The following TMPRSS6 variants were observed in gnomAD, a reference collection of about 807,000 sequenced individuals.
TMPRSS6 encodes transmembrane protease serine 6.
Under a neutral mutation model 101.5 loss-of-function variants are expected in TMPRSS6, and 67 were observed. That is an observed-to-expected ratio of 0.66 (90% CI 0.54 to 0.81). The LOEUF is 0.81. Ranked by LOEUF, TMPRSS6 falls within the 30% of genes least tolerant of loss-of-function variation. TMPRSS6 has a pLI of 0.00. For missense variants in TMPRSS6, 1,034 were observed against 1,088.7 expected, an observed-to-expected ratio of 0.95 and a Z score of 0.71; for synonymous variants, 453 against 464.9, an observed-to-expected ratio of 0.97 and a Z score of 0.33.
intron 2 of TMPRSS6, among the ~76,000 whole-genome samples, chr22:37,098,995 C>T (rs912485628): frequency 6.6e-6 from 1 of 152,244 alleles, no homozygotes; most frequent in Admixed American, 6.5e-5. Flanking sequence ...TTAACCAAGA[C>T]AGATGTGCCT....
chr22:37,071,994 T>C (rs1434806734), intron 13 of TMPRSS6, among the ~76,000 whole-genome samples: 1 of 146,908 alleles, frequency 6.8e-6, no homozygotes, highest in East Asian at 2.1e-4. Flanking sequence ...GGATGGATGA[T>C]GGATGGGTGC....
At position 37,103,179 on chromosome 22, in the gene TMPRSS6, C is replaced by A; in HGVS notation, c.202+37G>T. On this transcript the variant is annotated intron_variant, in intron 2 of 17. Coordinates refer to ENST00000676104, the MANE Select transcript of TMPRSS6 (RefSeq NM_001374504.1). The surrounding 1 kb of genome is among the most constrained non-coding windows in gnomAD (Gnocchi z 4.4). The stretch of plus-strand genomic sequence containing the variant: ...GCCTGCTACAGTCACCCCAAGTCCT[C>A]CCCAGGTGCCTCTCCCAGGCGGTCC... The A allele has an allele frequency of 1.9e-6, 3 of 1,609,864 alleles. No homozygotes were observed. In the South Asian group the frequency reaches 3.3e-5, roughly 18 times the overall value.
At chr22:37,068,949 A>G (rs1392660469) in intron 16 of TMPRSS6, 124 bp downstream of exon 16, 3 of 1,447,358 alleles carry the variant, frequency 2.1e-6, no homozygotes, top group Non-Finnish European at 2.7e-6. Context: ...TTTGAATCCC[A>G]GCACTAGAGG....
intron 1 of TMPRSS6, among the ~76,000 whole-genome samples, chr22:37,105,199 C>G (rs866143889): frequency 9.2e-5 from 14 of 152,276 alleles, no homozygotes; most frequent in African/African-American, 3.4e-4. Context: ...GCCACAGTGA[C>G]TCTGTTGAGC....
In TMPRSS6 at chr22:37,084,816, C is replaced by T. The variant is rs1464560925; in HGVS notation, c.997G>A (p.Asp333Asn). ...ACGCCCTGGGAGTCGAGCCTGTTGT[C>T]CAGCGTCAGGTTCACTTCACAGGCT... ...FQACEVNLTL[D>N]NRLDSQGVLS... is the part of the protein sequence containing the mutation. The change falls in exon 9 of 18, where the codon GAC becomes AAC. Residue 333 changes from aspartate to asparagine, a missense_variant. By Grantham distance (23) the Asp-to-Asn change is conservative. Coordinates refer to ENST00000676104, the MANE Select transcript of TMPRSS6 (RefSeq NM_001374504.1). 1.3e-6 allele frequency: 2 copies of T among 1,557,106 alleles called. No individual in the cohort carries two copies. Among genetic ancestry groups the T allele is most frequent in the Admixed American group, 1.9e-5 (1 of 51,572 alleles).
intron 6 of TMPRSS6, among the ~76,000 whole-genome samples, chr22:37,091,249 G>A (rs941917679): frequency 6.6e-6 from 1 of 152,224 alleles, no homozygotes; most frequent in African/African-American, 2.4e-5. Context: ...AGCCAGTGGG[G>A]ATTTAGGAAT....
In TMPRSS6 at chr22:37,070,671, G is replaced by A; in HGVS notation, c.1673-19C>T. The A allele has an allele frequency of 6.2e-7, 1 of 1,609,920 alleles. No individual in the cohort carries two copies. Among genetic ancestry groups the A allele is most frequent in the Non-Finnish European group, 8.5e-7 (1 of 1,178,368 alleles). The stretch of plus-strand genomic sequence containing the variant: ...CCACAGTCTGGGGATGGGGGCAGGT[G>A]GTGGGGTGGACAGAGGAGGAGGGGA... On this transcript the variant is annotated intron_variant, in intron 14 of 17. Transcript: ENST00000676104.
chr22:37,104,380 T>C (rs1012036166), intron 1 of TMPRSS6, among the ~76,000 whole-genome samples: 1 of 152,194 alleles, frequency 6.6e-6, no homozygotes, highest in Non-Finnish European at 1.5e-5. Context: ...AGTCTAGATG[T>C]CTGACTCCCT....
Position 37,095,965 on chromosome 22 carries a change from G to C in TMPRSS6, c.530C>G (p.Ser177Trp). The change falls in exon 5 of 18, where the codon TCG becomes TGG. Residue 177 changes from serine to tryptophan, a missense_variant. Coordinates refer to ENST00000676104, the MANE Select transcript of TMPRSS6 (RefSeq NM_001374504.1). The stretch of plus-strand genomic sequence containing the variant: ...CTCGGCCCTGTAGGGGACGGCAGCC[G>C]AGCTGTTGACTGTGGACAGCAGCTC... Reference protein sequence around the residue: ...VEELLSTVNSSAAVPYRAEYE... With the variant: ...VEELLSTVNSWAAVPYRAEYE... The C allele has an allele frequency of 6.2e-7, 1 of 1,614,142 alleles. No homozygotes were observed. Among genetic ancestry groups the C allele is most frequent in the Non-Finnish European group, 8.5e-7 (1 of 1,180,042 alleles).
chr22:37,084,802 G>T lies in TMPRSS6; in HGVS notation c.1011C>A (p.Asp337Glu). Residue 337 changes from aspartate (D) to glutamate (E), a missense_variant, in exon 9 of 18, where the codon GAC becomes GAA. By Grantham distance (45) the Asp-to-Glu change is conservative (BLOSUM62 2). Transcript: ENST00000676104. Reference protein sequence around the residue: ...EVNLTLDNRLDSQGVLSTPYF... With the variant: ...EVNLTLDNRLESQGVLSTPYF... ...ACGGGGTGCTGAGGACGCCCTGGGA[G>T]TCGAGCCTGTTGTCCAGCGTCAGGT... 1 of 1,561,304 alleles carries T rather than the reference G, an allele frequency of 6.4e-7. No individual in the cohort carries two copies. Among genetic ancestry groups the T allele is most frequent in the Admixed American group, 1.9e-5 (1 of 52,086 alleles).
intron 13 of TMPRSS6, 89 bp downstream of exon 13, chr22:37,073,443 G>A: frequency 1.2e-6 from 1 of 807,566 alleles, no homozygotes; most frequent in African/African-American, 1.7e-5. Context: ...TGGGTGTTGA[G>A]AGGAGAAGCT....
intron 3 of TMPRSS6, 128 bp from the exon 4 acceptor site, chr22:37,096,843 C>CTTGATCA: frequency 1.1e-6 from 1 of 929,176 alleles, no homozygotes; most frequent in Non-Finnish European, 1.7e-6. Flanking sequence ...GGTGGACAGG[C>CTTGATCA]TTGATCACGG....
At chr22:37,068,665 A>C in intron 16 of TMPRSS6, 1 of 779,698 alleles carries the variant, frequency 1.3e-6, no homozygotes, top group East Asian at 2.4e-5. Flanking sequence ...ATAGGGCCAC[A>C]GCATCCGCCC....
Position 37,103,682 on chromosome 22 carries a change from C to CCTAT in TMPRSS6, c.-1-268_-1-265dup. ...CCCACCTTTGCTTCCCACTGGCTTCCCTATGGTCAGAGGACAGACGGAGGT... is the reference window on the plus strand; with the variant it reads ...CCCACCTTTGCTTCCCACTGGCTTCCCTATCTATGGTCAGAGGACAGACGGAGGT... On this transcript the variant is annotated intron_variant, in intron 1 of 17. Transcript: ENST00000676104. The surrounding 1 kb of genome is among the most constrained non-coding windows in gnomAD (Gnocchi z 4.4). 1 of 1,244,528 alleles carries CCTAT rather than the reference C, an allele frequency of 8.0e-7. No homozygotes were observed. Among genetic ancestry groups the CCTAT allele is most frequent in the Admixed American group, 1.8e-5 (1 of 55,844 alleles). The allele number at this position is 1,244,528 out of a possible 1,614,324, so 77.1% of individuals were successfully genotyped here. A position where few individuals can be genotyped will look rare whatever the true frequency, so the allele number is the denominator to read the frequency against.
chr22:37,082,291 C>T (rs759550418), intron 10 of TMPRSS6, among the ~76,000 whole-genome samples: 13 of 152,162 alleles, frequency 8.5e-5, no homozygotes, highest in Non-Finnish European at 2.9e-5. Flanking sequence ...TCCAGGCCAC[C>T]GAACCCCCCA....
chr22:37,105,995 G>T (rs2146196542), intron 1 of TMPRSS6, among the ~76,000 whole-genome samples: 1 of 152,286 alleles, frequency 6.6e-6, no homozygotes, highest in South Asian at 2.1e-4. Context: ...ATTTTGGGAT[G>T]AGTCATAGAG....
chr22:37,088,430 G>A (rs1928959677), intron 7 of TMPRSS6, among the ~76,000 whole-genome samples: 1 of 152,178 alleles, frequency 6.6e-6, no homozygotes, highest in East Asian at 1.9e-4. Flanking sequence ...GACAGAAGAG[G>A]CATCAGCCTG....
chr22:37,109,388 C>G (rs1303729389), intron 1 of TMPRSS6, 115 bp downstream of exon 1: 1 of 152,394 alleles, frequency 6.6e-6, no homozygotes, highest in Non-Finnish European at 1.5e-5. Context: ...CAGGCCTGGC[C>G]TCGGAGCAGG....
At chr22:37,074,502 A>G (rs889103275) in intron 12 of TMPRSS6, 108 bp downstream of exon 12, 10 of 1,072,586 alleles carry the variant, frequency 9.3e-6, no homozygotes, top group Middle Eastern at 2.0e-4. Context: ...GGTGCTCATA[A>G]TGGAAGCTGC....
Sources: allele counts gnomAD v4.1 joint callset (sites outside exome capture counted in the v4.1 genomes callset), GRCh38; gene constraint gnomAD v4.1.1; non-coding constraint Gnocchi (gnomAD v3.1); transcripts MANE v1.5; gene names NCBI Gene and HGNC (gene_info 2026-07-23, HGNC 2026-07-21).